The following TP73 variants were observed in gnomAD, a reference collection of about 807,000 sequenced individuals.
TP73 encodes the protein p53-like transcription factor.
Under a neutral mutation model 62.5 loss-of-function variants are expected in TP73, and 25 were observed. The observed-to-expected ratio is 0.40, with a 90% CI of 0.29 to 0.56. The LOEUF is 0.56. Ranked by LOEUF, TP73 falls within the 20% of genes least tolerant of loss-of-function variation. TP73 has a pLI of 0.46. For synonymous variants in TP73, 423 were observed against 377.5 expected (o/e 1.12, Z -1.40); for missense variants, 754 against 913.3 (o/e 0.83, Z 2.25).
At chr1:3,676,998 C>G (rs1165941246) in intron 1 of TP73, among the ~76,000 whole-genome samples, 1 of 151,722 alleles carries the variant, frequency 6.6e-6, no homozygotes, top group African/African-American at 2.4e-5. Flanking sequence ...GTGGAACTGC[C>G]CCTGGTGAGA....
In TP73 at chr1:3,733,103, C is replaced by A. The variant is rs1011987022; in HGVS notation, c.*24C>A. On this transcript the variant is annotated 3_prime_UTR_variant, in exon 14 of 14. Coordinates refer to ENST00000378295, the MANE Select transcript of TP73 (RefSeq NM_005427.4). ...GAGGGCCTCGCCTGGCTGCAGCCTG[C>A]GCCACCGCCCAGAGACCCAAGCTGC... 6.0e-6 allele frequency: 9 copies of A among 1,507,700 alleles called. No homozygotes were observed. Among genetic ancestry groups the A allele is most frequent in the Non-Finnish European group, 8.0e-6 (9 of 1,128,592 alleles). 93.4% of individuals were successfully genotyped at this position (1,507,700 alleles called of 1,614,324 possible).
intron 6 of TP73, among the ~76,000 whole-genome samples, chr1:3,724,724 G>A (rs1459879960): frequency 6.6e-6 from 1 of 152,226 alleles, no homozygotes; most frequent in Non-Finnish European, 1.5e-5. Flanking sequence ...ATTGATCAAC[G>A]GTTTTGGTTC....
intron 3 of TP73, among the ~76,000 whole-genome samples, chr1:3,686,904 G>T (rs964375148): frequency 6.6e-5 from 10 of 152,326 alleles, no homozygotes; most frequent in African/African-American, 2.4e-4. Context: ...CACCCACGAT[G>T]TGAGGATGTC....
chr1:3,715,171 G>A (rs1640488879), intron 4 of TP73, among the ~76,000 whole-genome samples: 2 of 152,186 alleles, frequency 1.3e-5, no homozygotes, highest in South Asian at 4.1e-4. Context: ...AGCAGGACCA[G>A]GGCAGGTGAG....
At chr1:3,685,949 C>T (rs929373462) in intron 3 of TP73, among the ~76,000 whole-genome samples, 15 of 152,228 alleles carry the variant, frequency 9.9e-5, no homozygotes, top group African/African-American at 1.7e-4. Context: ...CACACAGGCC[C>T]GGCCTCGGGT....
Position 3,733,569 on chromosome 1 carries a change from G to C in TP73, c.*490G>C, listed in dbSNP as rs1249002242. ...AAGTGACTGTGTCTGAAACACCAGT[G>C]TATTTTCAGGGAATGTCCCTAACTG... On this transcript the variant is annotated 3_prime_UTR_variant, in exon 14 of 14. Transcript: ENST00000378295. 1 of 166,484 alleles carries C rather than the reference G, an allele frequency of 6.0e-6. No homozygotes were observed. Among genetic ancestry groups the C allele is most frequent in the African/African-American group, 2.4e-5 (1 of 41,802 alleles). 10.3% of individuals were successfully genotyped at this position (166,484 alleles called of 1,614,324 possible).
intron 6 of TP73, among the ~76,000 whole-genome samples, chr1:3,726,524 GAT>G: frequency 6.7e-6 from 1 of 149,018 alleles, no homozygotes; most frequent in Non-Finnish European, 1.5e-5. Flanking sequence ...TGAATGGATG[GAT>G]GGATATTGAA....
At chr1:3,723,547 C>T in intron 6 of TP73, 78 bp downstream of exon 6, 2 of 705,618 alleles carry the variant, frequency 2.8e-6, no homozygotes, top group South Asian at 3.0e-5. Context: ...TGAGGCAGCC[C>T]CTGTCCCTCC....
At chr1:3,729,860 G>T in intron 10 of TP73, 140 bp from the exon 11 acceptor site, 1 of 1,246,006 alleles carries the variant, frequency 8.0e-7, no homozygotes. Context: ...TTGGGGACAG[G>T]GAGGCTGGGG....
At chr1:3,684,559 A>G (rs3765713) in intron 3 of TP73, among the ~76,000 whole-genome samples, 80,375 of 152,030 alleles carry the variant, frequency 0.53, 21,562 homozygotes, top group East Asian at 0.62. Context: ...GTCAGAACGA[A>G]CAGAGTGAAG....
chr1:3,653,784 A>T (rs1644808679), intron 1 of TP73, among the ~76,000 whole-genome samples: 1 of 152,226 alleles, frequency 6.6e-6, no homozygotes, highest in South Asian at 2.1e-4. Flanking sequence ...TTATTCGGGG[A>T]AAGATTAAAA....
chr1:3,659,639 A>G (rs1329953799), intron 1 of TP73, among the ~76,000 whole-genome samples: 2 of 152,126 alleles, frequency 1.3e-5, no homozygotes, highest in Non-Finnish European at 2.9e-5. Flanking sequence ...TTCTTTCTAC[A>G]TCACCCCTCT....
At chr1:3,679,164 C>T (rs941795802) in intron 1 of TP73, among the ~76,000 whole-genome samples, 2 of 152,162 alleles carry the variant, frequency 1.3e-5, no homozygotes, top group African/African-American at 4.8e-5. Context: ...CAAGAAGGGT[C>T]GCTGTTCCTC....
intron 1 of TP73, among the ~76,000 whole-genome samples, chr1:3,673,264 A>T (rs752271451): frequency 1.6e-4 from 24 of 152,106 alleles, no homozygotes; most frequent in Non-Finnish European, 2.9e-4. Context: ...GGAGCCAGGG[A>T]CCCGGCAGCC....
At chr1:3,689,479 G>A (rs763584987) in intron 3 of TP73, among the ~76,000 whole-genome samples, 1 of 152,072 alleles carries the variant, frequency 6.6e-6, no homozygotes, top group Non-Finnish European at 1.5e-5. Flanking sequence ...ACCTGGAATC[G>A]TCCTTTCGTC....
intron 3 of TP73, chr1:3,690,551 C>T: frequency 9.6e-7 from 1 of 1,038,776 alleles, no homozygotes; most frequent in Non-Finnish European, 1.2e-6. Context: ...ACCGGCGTCC[C>T]CGCCCTCCCC....
intron 1 of TP73, among the ~76,000 whole-genome samples, chr1:3,659,832 A>C (rs1168253586): frequency 7.9e-6 from 1 of 126,922 alleles, no homozygotes; most frequent in Non-Finnish European, 1.7e-5. Flanking sequence ...CACCACCACT[A>C]ATTTTTGTAT....
In TP73 at chr1:3,720,071, C is replaced by T. The variant is rs185650428; in HGVS notation, c.430-1950C>T. Among the ~76,000 whole-genome samples, 402 of 152,244 alleles carry T rather than the reference C, an allele frequency of 2.6e-3. 1 individual carries two copies. Among genetic ancestry groups the T allele is most frequent in the African/African-American group, 9.3e-3 (387 of 41,548 alleles). On this transcript the variant is annotated intron_variant, in intron 4 of 13. Transcript: ENST00000378295. Reference sequence around the variant, plus strand: ...CTGAGTAGCTGGGACTACAGGCGCCCGCCACCTTGCCTGGCTAATATTTGT... The same window carrying T: ...CTGAGTAGCTGGGACTACAGGCGCCTGCCACCTTGCCTGGCTAATATTTGT...
In TP73 at chr1:3,662,765, G is replaced by T. The variant is rs1218521924; in HGVS notation, c.-34+10124G>T. ...GGCTATGGAGGGGACATTGCAAGGG[G>T]GCCTAGAGGGGCCTCTATGGGCCTT... On this transcript the variant is annotated intron_variant, in intron 1 of 13. Transcript: ENST00000378295. This position sits in a 1 kb window ranked among gnomAD's most constrained non-coding sequence, Gnocchi z 4.4. Among the ~76,000 whole-genome samples, 1 of 152,160 alleles carries T rather than the reference G, an allele frequency of 6.6e-6. No homozygotes were observed. The highest frequency in any genetic ancestry group is 2.4e-5 in the African/African-American group (1 of 41,458).
Sources: gnomAD v4.1 joint callset for allele counts (sites outside exome capture counted in the v4.1 genomes callset) on GRCh38, gnomAD v4.1.1 for gene constraint, Gnocchi (gnomAD v3.1) non-coding constraint, MANE v1.5 for transcripts, NCBI Gene and HGNC (gene_info 2026-07-23, HGNC 2026-07-21) for gene names.